DAB2IP: variants seen among roughly 807,000 people sequenced by gnomAD.
DAB2IP encodes the protein DAB2 interacting protein, also known as disabled homolog 2-interacting protein.
In DAB2IP, 28 loss-of-function variants were observed where a neutral mutation model predicts 107.2. The ratio of observed to expected loss-of-function variants is 0.26; its 90% CI spans 0.19 to 0.36. The LOEUF (loss-of-function observed/expected upper bound fraction) is 0.36. Ranked by LOEUF, DAB2IP falls within the 10% of genes least tolerant of loss-of-function variation. DAB2IP has a pLI of 1.00. For synonymous variants in DAB2IP, 755 were observed against 706.4 expected (o/e 1.07, Z -1.09); for missense variants, 1,400 against 1,644.7 (o/e 0.85, Z 2.57).
intron 1 of DAB2IP, among the ~76,000 whole-genome samples, chr9:121,618,464 G>A (rs1056872648): frequency 1.1e-4 from 16 of 152,130 alleles, no homozygotes; most frequent in African/African-American, 2.6e-4. Flanking sequence ...AGGTTTAAGC[G>A]GTTCTCCTGC....
intron 3 of DAB2IP, among the ~76,000 whole-genome samples, chr9:121,706,244 T>TG (rs1280345167): frequency 1.3e-5 from 2 of 152,034 alleles, no homozygotes; most frequent in Non-Finnish European, 2.9e-5. Flanking sequence ...TGGGCTGAGG[T>TG]GGGGCTGCAC....
intron 3 of DAB2IP, among the ~76,000 whole-genome samples, chr9:121,750,324 C>T (rs536651071): frequency 9.8e-4 from 149 of 151,962 alleles, no homozygotes; most frequent in Middle Eastern, 3.4e-3. Context: ...CTTGTGTGCG[C>T]GCGCGCGTGT....
Position 121,717,090 on chromosome 9 carries a change from C to T in DAB2IP, c.362+17632C>T, listed in dbSNP as rs563514704. Among the ~76,000 whole-genome samples the T allele has an allele frequency of 8.6e-4, 131 of 152,300 alleles. 1 individual carries two copies. The highest frequency in any genetic ancestry group is 3.0e-3 in the African/African-American group (124 of 41,570). On this transcript the variant is annotated intron_variant, in intron 3 of 15. Transcript: ENST00000408936. Reference sequence around the variant, plus strand: ...GTCTCTTGTGAGCCTGGGGCAGCCCCGGGGGAATCTTGCCCTCAGAGAAGC... The same window carrying T: ...GTCTCTTGTGAGCCTGGGGCAGCCCTGGGGGAATCTTGCCCTCAGAGAAGC...
At chr9:121,761,655 G>A (rs558648792) in intron 6 of DAB2IP, among the ~76,000 whole-genome samples, 58 of 152,280 alleles carry the variant, frequency 3.8e-4, no homozygotes, top group African/African-American at 1.3e-3. Context: ...GACCCGCGAT[G>A]GGGAGCAGTT....
intron 3 of DAB2IP, chr9:121,742,898 C>A: frequency 6.1e-6 from 6 of 985,462 alleles, no homozygotes; most frequent in Non-Finnish European, 7.2e-6. Context: ...AACTGAAAGC[C>A]TGGTGGTGGG....
In DAB2IP at chr9:121,594,922, A is replaced by G. The variant is rs533813846; in HGVS notation, c.40+27694A>G. On this transcript the variant is annotated intron_variant, in intron 1 of 16. Coordinates refer to the DAB2IP transcript ENST00000259371. The stretch of plus-strand genomic sequence containing the variant: ...CACTGACTGGGTAGAGATAGGGAGG[A>G]CAGACATTCTAGGAAGAGTAAACAG... Among the ~76,000 whole-genome samples, 6 of 152,280 alleles carry G rather than the reference A, an allele frequency of 3.9e-5. 1 individual carries two copies. The East Asian group carries it at 5.8e-4, about 15-fold the overall frequency.
chr9:121,783,855 G>T, exon 16 of DAB2IP: 1 of 466,284 alleles, frequency 2.1e-6, no homozygotes, highest in African/African-American at 2.0e-5. Context: ...AGGAGCTTGG[G>T]TCTCTCTCGG....
chr9:121,653,372 G>T (rs1832840048), intron 1 of DAB2IP, among the ~76,000 whole-genome samples: 1 of 151,978 alleles, frequency 6.6e-6, no homozygotes, highest in Admixed American at 6.6e-5. Context: ...GCTAAGACCT[G>T]GAGAAAGGCT....
At chr9:121,685,599 G>A (rs554850931) in intron 2 of DAB2IP, among the ~76,000 whole-genome samples, 73 of 152,378 alleles carry the variant, frequency 4.8e-4, no homozygotes, top group Non-Finnish European at 6.6e-4. Flanking sequence ...CCCAGCTCTC[G>A]TCTGCGAGCC....
intron 1 of DAB2IP, chr9:121,567,247 AG>A: frequency 1.2e-6 from 2 of 1,613,952 alleles, no homozygotes; most frequent in Non-Finnish European, 1.7e-6. Flanking sequence ...GTGCCAGCAA[AG>A]TGCAGAGTTG....
Position 121,776,164 on chromosome 9 carries a change from G to C in DAB2IP, c.3121-34G>C. 2 of 1,554,426 alleles carry C rather than the reference G, an allele frequency of 1.3e-6. No individual in the cohort carries two copies. The highest frequency in any genetic ancestry group is 1.7e-6 in the Non-Finnish European group (2 of 1,148,832). The stretch of plus-strand genomic sequence containing the variant: ...ACGAAGCTGTGCTCTCTGTGTCCTG[G>C]GTGCTGTGCCCGTGGACGCTGCCCT... On this transcript the variant is annotated intron_variant, in intron 13 of 15. Coordinates refer to ENST00000408936, the Ensembl canonical transcript of DAB2IP. The surrounding 1 kb of genome is among the most constrained non-coding windows in gnomAD (Gnocchi z 5.4).
At chr9:121,621,022 T>C (rs1831443269) in intron 1 of DAB2IP, among the ~76,000 whole-genome samples, 1 of 152,180 alleles carries the variant, frequency 6.6e-6, no homozygotes, top group East Asian at 1.9e-4. Context: ...CTTTCCTCTT[T>C]GAGGGGAAGA....
chr9:121,775,392 A>AG (rs1564230072), intron 13 of DAB2IP, among the ~76,000 whole-genome samples: 1 of 152,170 alleles, frequency 6.6e-6, no homozygotes, highest in Admixed American at 6.5e-5. Flanking sequence ...AGTTACATGA[A>AG]GGGGACCGGG....
exon 12 of DAB2IP, chr9:121,773,308 C>T: frequency 6.6e-7 from 1 of 1,519,488 alleles, no homozygotes; most frequent in Non-Finnish European, 8.8e-7. Context: ...CCCCCGCCGC[C>T]ACCTCCTGCC....
At chr9:121,729,880 A>T in intron 3 of DAB2IP, among the ~76,000 whole-genome samples, 1 of 152,182 alleles carries the variant, frequency 6.6e-6, no homozygotes, top group East Asian at 1.9e-4. Context: ...TATAGGGCAA[A>T]TAATTGGTTT....
At chr9:121,648,363 C>T (rs1206305919), upstream of DAB2IP, among the ~76,000 whole-genome samples, 1 of 152,120 alleles carries the variant, frequency 6.6e-6, no homozygotes, top group Non-Finnish European at 1.5e-5. Flanking sequence ...TTGGTGGCAG[C>T]GGTCCAGGTC....
At chr9:121,594,174 T>G (rs1830477909) in intron 1 of DAB2IP, among the ~76,000 whole-genome samples, 1 of 151,898 alleles carries the variant, frequency 6.6e-6, no homozygotes, top group African/African-American at 2.4e-5. Context: ...CTCAGAGGGA[T>G]GTAGTAGCAT....
intron 1 of DAB2IP, among the ~76,000 whole-genome samples, chr9:121,632,048 G>C (rs1375561256): frequency 2.0e-5 from 3 of 152,212 alleles, no homozygotes; most frequent in Non-Finnish European, 1.5e-5. Context: ...GGTCCTCGTG[G>C]GGAGAGACAG....
In DAB2IP at chr9:121,748,151, G is replaced by A. The variant is rs534148306; in HGVS notation, c.363-8862G>A. 4.7e-4 allele frequency among the ~76,000 whole-genome samples: 72 copies of A among 152,344 alleles called. 1 individual carries two copies. Among genetic ancestry groups the A allele is most frequent in the Admixed American group, 1.4e-3 (21 of 15,302 alleles). ...GTCCCTTATGTTCTAGGGAGTTGAC[G>A]TAGGGTTTTTGTGGCTTTCTCTGAA... On this transcript the variant is annotated intron_variant, in intron 3 of 15. Coordinates refer to ENST00000408936, the Ensembl canonical transcript of DAB2IP.
Sources: allele counts gnomAD v4.1 joint callset (sites outside exome capture counted in the v4.1 genomes callset), GRCh38; gene constraint gnomAD v4.1.1; non-coding constraint Gnocchi (gnomAD v3.1); transcripts MANE v1.5; gene names NCBI Gene and HGNC (gene_info 2026-07-23, HGNC 2026-07-21).